Variants in AUH observed in about 807,000 individuals in gnomAD.
The protein encoded by AUH is AU RNA binding methylglutaconyl-CoA hydratase, also known as methylglutaconyl-CoA hydratase, mitochondrial.
In AUH, 29 loss-of-function variants were observed where a neutral mutation model predicts 42.3. The ratio of observed to expected loss-of-function variants is 0.69; its 90% CI spans 0.51 to 0.93. The LOEUF (loss-of-function observed/expected upper bound fraction) is 0.93. AUH is among the 40% of genes least tolerant of loss of function. The probability of loss-of-function intolerance (pLI) is 0.00; values close to 1 mark genes in which losing one functional copy is unlikely to be tolerated. For synonymous variants in AUH, 174 were observed against 166.4 expected (o/e 1.05, Z -0.35); for missense variants, 452 against 438.1 (o/e 1.03, Z -0.28).
intron 3 of AUH, among the ~76,000 whole-genome samples, chr9:91,335,620 C>G (rs1227813522): frequency 6.6e-6 from 1 of 152,114 alleles, no homozygotes; most frequent in Non-Finnish European, 1.5e-5. Flanking sequence ...AAGGTACATG[C>G]TTAGTTTATT....
At chr9:91,233,593 A>G (rs1387028469) in intron 6 of AUH, among the ~76,000 whole-genome samples, 4 of 152,236 alleles carry the variant, frequency 2.6e-5, no homozygotes, top group Non-Finnish European at 5.9e-5. Flanking sequence ...GCATTGCAAC[A>G]GGAATGCGTA....
At chr9:91,342,434 C>T (rs776896524) in intron 3 of AUH, among the ~76,000 whole-genome samples, 1 of 152,174 alleles carries the variant, frequency 6.6e-6, no homozygotes, top group Non-Finnish European at 1.5e-5. Flanking sequence ...AGCATTAGGA[C>T]GTGGACAACT....
intron 6 of AUH, among the ~76,000 whole-genome samples, chr9:91,264,661 A>C (rs79599283): frequency 0.075 from 11,345 of 152,236 alleles, 690 homozygotes; most frequent in East Asian, 0.26. Context: ...TCACAACTAT[A>C]ATCCCAGCAC....
intron 4 of AUH, among the ~76,000 whole-genome samples, chr9:91,317,645 C>A (rs1829259211): frequency 6.6e-6 from 1 of 152,072 alleles, no homozygotes; most frequent in Non-Finnish European, 1.5e-5. Context: ...ATTGTTGTTT[C>A]CTGCCTACTA....
At chr9:91,221,157 C>G (rs962972860) in intron 6 of AUH, among the ~76,000 whole-genome samples, 165 bp from the exon 7 acceptor site, 7 of 152,224 alleles carry the variant, frequency 4.6e-5, no homozygotes. Context: ...TTCTTAATTC[C>G]CCTATAAAAC....
Position 91,301,699 on chromosome 9 carries a change from G to A in AUH, c.506-3623C>T, listed in dbSNP as rs550942400. ...CCTAGGTGCCAAGAGACATACCAGA[G>A]GTGAGGACCAGGGCCTGCAGATGGA... On this transcript the variant is annotated intron_variant, in intron 4 of 9. Transcript: ENST00000375731. 5.3e-5 allele frequency among the ~76,000 whole-genome samples: 8 copies of A among 152,270 alleles called. No individual in the cohort carries two copies. In the East Asian group the frequency reaches 1.5e-3, roughly 29 times the overall value.
At chr9:91,345,832 C>CA (rs57372374) in intron 3 of AUH, among the ~76,000 whole-genome samples, 60,653 of 93,746 alleles carry the variant, frequency 0.65, 20,049 homozygotes, top group Non-Finnish European at 0.75. Context: ...GACTCCATCG[C>CA]AAAAAAAAAA....
chr9:91,275,074 A>G (rs1825436529), intron 6 of AUH, among the ~76,000 whole-genome samples: 1 of 152,234 alleles, frequency 6.6e-6, no homozygotes, highest in South Asian at 2.1e-4. Context: ...CTAGTACAAC[A>G]CACACTGGGT....
chr9:91,268,598 T>C (rs1187096362), intron 6 of AUH, among the ~76,000 whole-genome samples: 1 of 152,086 alleles, frequency 6.6e-6, no homozygotes, highest in Admixed American at 6.5e-5. Context: ...ATCCAGCTAA[T>C]TTTTGTATTT....
At chr9:91,231,733 T>A (rs1216899388) in intron 6 of AUH, among the ~76,000 whole-genome samples, 1 of 152,236 alleles carries the variant, frequency 6.6e-6, no homozygotes, top group Admixed American at 6.5e-5. Flanking sequence ...ACACTGTCCA[T>A]CCCAACAGCT....
intron 4 of AUH, among the ~76,000 whole-genome samples, chr9:91,309,712 C>G (rs1036604305): frequency 6.6e-6 from 1 of 152,164 alleles, no homozygotes; most frequent in African/African-American, 2.4e-5. Flanking sequence ...TGATTGCATA[C>G]AACATTCACT....
chr9:91,313,731 A>G (rs1236790470), intron 4 of AUH, among the ~76,000 whole-genome samples: 1 of 149,232 alleles, frequency 6.7e-6, no homozygotes, highest in Non-Finnish European at 1.5e-5. Flanking sequence ...AAAAAAAAAA[A>G]GAAAATGAAC....
In AUH at chr9:91,301,800, G is replaced by T. The variant is rs183875113; in HGVS notation, c.506-3724C>A. On this transcript the variant is annotated intron_variant, in intron 4 of 9. Coordinates refer to ENST00000375731, the MANE Select transcript of AUH (RefSeq NM_001698.3). Reference sequence around the variant, plus strand: ...TAAGAAATACGTAACACAAAATGATGAGAAATTTGGGTTCCACATACAAAA... The same window carrying T: ...TAAGAAATACGTAACACAAAATGATTAGAAATTTGGGTTCCACATACAAAA... Among the ~76,000 whole-genome samples, 5 of 152,256 alleles carry T rather than the reference G, an allele frequency of 3.3e-5. No individual in the cohort carries two copies. In the East Asian group the frequency reaches 7.7e-4, roughly 24 times the overall value.
At chr9:91,349,849 A>G (rs1261812490) in intron 3 of AUH, among the ~76,000 whole-genome samples, 1 of 152,248 alleles carries the variant, frequency 6.6e-6, no homozygotes, top group Non-Finnish European at 1.5e-5. Context: ...GCTTTGACTA[A>G]CAAAATTATT....
intron 6 of AUH, among the ~76,000 whole-genome samples, chr9:91,264,158 CAATTT>C (rs1177610906): frequency 8.5e-5 from 13 of 152,096 alleles, no homozygotes; most frequent in African/African-American, 2.7e-4. Flanking sequence ...TGTATATACA[CAATTT>C]AATACCAGGC....
At chr9:91,277,799 T>C (rs1436386983) in intron 6 of AUH, among the ~76,000 whole-genome samples, 1 of 152,246 alleles carries the variant, frequency 6.6e-6, no homozygotes, top group Non-Finnish European at 1.5e-5. Flanking sequence ...ACTATGATTC[T>C]GATTTCCTAA....
intron 3 of AUH, among the ~76,000 whole-genome samples, chr9:91,353,118 A>G (rs1832117976): frequency 1.3e-5 from 2 of 151,856 alleles, no homozygotes; most frequent in Non-Finnish European, 2.9e-5. Context: ...CCGGAGTCTC[A>G]CACTGTCACC....
At chr9:91,294,360 C>T in intron 6 of AUH, among the ~76,000 whole-genome samples, 1 of 152,136 alleles carries the variant, frequency 6.6e-6, no homozygotes, top group Non-Finnish European at 1.5e-5. Flanking sequence ...CCATCCTGGC[C>T]AACATGGTGA....
Position 91,283,508 on chromosome 9 carries a change from G to C in AUH, c.655+12513C>G, listed in dbSNP as rs144202032. 5.3e-3 allele frequency among the ~76,000 whole-genome samples: 803 copies of C among 152,316 alleles called. 27 individuals are homozygous for C. The East Asian group carries it at 0.091, about 17-fold the overall frequency. On this transcript the variant is annotated intron_variant, in intron 6 of 9. Transcript: ENST00000375731. ...AATAAACGGTATTCAATTAGGAAAA[G>C]AGGAAGTCAAATTGTCCCTGTTTGC...
Sources: allele counts gnomAD v4.1 joint callset (sites outside exome capture counted in the v4.1 genomes callset), GRCh38; gene constraint gnomAD v4.1.1; transcripts MANE v1.5; gene names NCBI Gene and HGNC (gene_info 2026-07-23, HGNC 2026-07-21).